Variants in GABRR1 observed in about 807,000 individuals in gnomAD.
The protein encoded by GABRR1 is gamma-aminobutyric acid receptor subunit rho-1.
Under a neutral mutation model 55.5 loss-of-function variants are expected in GABRR1, and 59 were observed. The ratio of observed to expected loss-of-function variants is 1.06; its 90% CI spans 0.86 to 1.32. GABRR1 has a LOEUF of 1.32. GABRR1 is among the 40% of genes most tolerant of loss of function. The pLI, the probability that GABRR1 is intolerant of heterozygous loss-of-function variation, is 0.00. For synonymous variants in GABRR1, 213 were observed against 226.0 expected, an observed-to-expected ratio of 0.94 and a Z score of 0.51; for missense variants, 602 against 619.1, an observed-to-expected ratio of 0.97 and a Z score of 0.29.
At chr6:89,202,630 G>C (rs905045914) in intron 2 of GABRR1, among the ~76,000 whole-genome samples, 4 of 151,906 alleles carry the variant, frequency 2.6e-5, no homozygotes, top group Non-Finnish European at 4.4e-5. Flanking sequence ...TATCTGACCA[G>C]AGTTTCTTGT....
chr6:89,217,771 A>G (rs1022470042), upstream of GABRR1: 2 of 154,600 alleles, frequency 1.3e-5, no homozygotes, highest in African/African-American at 4.8e-5. Context: ...GCTTACGGCC[A>G]TTATTATTTG....
At chr6:89,202,064 C>A (rs1582395301) in intron 2 of GABRR1, among the ~76,000 whole-genome samples, 1 of 152,194 alleles carries the variant, frequency 6.6e-6, no homozygotes, top group African/African-American at 2.4e-5. Context: ...ACCTTGCCCT[C>A]AAGGGAAATG....
intron 8 of GABRR1, among the ~76,000 whole-genome samples, chr6:89,181,436 T>C (rs1416421015): frequency 6.6e-6 from 1 of 152,158 alleles, no homozygotes; most frequent in Non-Finnish European, 1.5e-5. Context: ...ACAGAATAAT[T>C]ACTGGGAGAA....
chr6:89,199,258 C>T, intron 4 of GABRR1, 104 bp downstream of exon 4: 1 of 1,008,736 alleles, frequency 9.9e-7, no homozygotes, highest in East Asian at 2.6e-5. Context: ...TTCCCACCGC[C>T]CAGGGCAGTT....
At chr6:89,204,451 GCA>G (rs1249001173) in intron 1 of GABRR1, 2 of 267,112 alleles carry the variant, frequency 7.5e-6, no homozygotes, top group South Asian at 4.1e-5. Context: ...TCAGTCCCTT[GCA>G]CAGTGTTGGA....
chr6:89,194,307 C>A (rs999212163), intron 5 of GABRR1, among the ~76,000 whole-genome samples: 3 of 152,136 alleles, frequency 2.0e-5, no homozygotes, highest in Admixed American at 6.5e-5. Context: ...TCGGGACTGG[C>A]GGTGCAGAGA....
chr6:89,191,508 A>G (rs1442390467), intron 5 of GABRR1, among the ~76,000 whole-genome samples: 1 of 152,230 alleles, frequency 6.6e-6, no homozygotes, highest in Non-Finnish European at 1.5e-5. Context: ...ACTCCTCCTC[A>G]TTCTGTTAGT....
At chr6:89,229,425 G>A (rs1273206534) in intron 1 of GABRR1, among the ~76,000 whole-genome samples, 13 of 148,930 alleles carry the variant, frequency 8.7e-5, no homozygotes, top group East Asian at 5.9e-4. Flanking sequence ...CATGTTTAGC[G>A]CTTCCTTCAG....
chr6:89,212,731 T>C (rs1273200110), intron 1 of GABRR1, among the ~76,000 whole-genome samples: 1 of 152,110 alleles, frequency 6.6e-6, no homozygotes, highest in African/African-American at 2.4e-5. Context: ...TGCAGTGGCA[T>C]GATCACGGCT....
At chr6:89,197,874 A>G (rs1772349828) in intron 5 of GABRR1, 146 bp downstream of exon 5, 8 of 644,628 alleles carry the variant, frequency 1.2e-5, no homozygotes, top group Non-Finnish European at 2.2e-5. Context: ...ATTTCTACTC[A>G]TGTATAAAGT....
chr6:89,183,138 G>A (rs1349782046), intron 7 of GABRR1, among the ~76,000 whole-genome samples: 2 of 127,702 alleles, frequency 1.6e-5, no homozygotes, highest in African/African-American at 6.0e-5. Flanking sequence ...GAGAAAGGGA[G>A]GATGATGGAA....
intron 1 of GABRR1, among the ~76,000 whole-genome samples, chr6:89,208,072 G>A (rs1772707108): frequency 1.3e-5 from 2 of 152,326 alleles, no homozygotes; most frequent in South Asian, 4.1e-4. Flanking sequence ...GAGGCGCTTC[G>A]CTGCTCTAGT....
intron 8 of GABRR1, 33 bp from the exon 9 acceptor site, chr6:89,180,521 C>T (rs1367573311): frequency 6.2e-7 from 1 of 1,605,934 alleles, no homozygotes; most frequent in East Asian, 2.2e-5. Flanking sequence ...CAAGTGTTTG[C>T]TTGTCTTTCA....
rs149539482 is a variant in GABRR1 at position 89,192,422 on chromosome 6, G to GCACA, written c.573-2179_573-2176dup. On this transcript the variant is annotated intron_variant, in intron 5 of 9. Coordinates refer to ENST00000454853, the MANE Select transcript of GABRR1 (RefSeq NM_002042.5). ...AACTGCACAGTGTCCCAAACTGCAGGCACACACACACCAAGCTTTTTGAGA... is the reference window on the plus strand; with the variant it reads ...AACTGCACAGTGTCCCAAACTGCAGGCACACACACACACACCAAGCTTTTTGAGA... Among the ~76,000 whole-genome samples the GCACA allele has an allele frequency of 1.1e-4, 17 of 152,128 alleles. No individual in the cohort carries two copies. The East Asian group carries it at 3.1e-3, about 28-fold the overall frequency.
At chr6:89,213,431 A>C (rs1357699854) in intron 1 of GABRR1, among the ~76,000 whole-genome samples, 1 of 152,196 alleles carries the variant, frequency 6.6e-6, no homozygotes, top group East Asian at 1.9e-4. Flanking sequence ...TCTGGAAAGA[A>C]ATTTGCCCGC....
At chr6:89,202,279 G>GT (rs1338178307) in intron 2 of GABRR1, among the ~76,000 whole-genome samples, 1 of 151,098 alleles carries the variant, frequency 6.6e-6, no homozygotes, top group Non-Finnish European at 1.5e-5. Context: ...CAGGTGTTTC[G>GT]TTTTTTTGTT....
intron 1 of GABRR1, among the ~76,000 whole-genome samples, chr6:89,225,295 G>A (rs905651371): frequency 2.0e-5 from 3 of 146,854 alleles, no homozygotes; most frequent in African/African-American, 7.6e-5. Flanking sequence ...TTAAGTTTTG[G>A]GGTACATGTG....
chr6:89,229,261 C>T (rs1202317000), intron 1 of GABRR1, among the ~76,000 whole-genome samples: 1 of 151,912 alleles, frequency 6.6e-6, no homozygotes, highest in African/African-American at 2.4e-5. Flanking sequence ...AGGCCATTTA[C>T]ATTTAAAGTT....
At position 89,217,355 on chromosome 6, in the gene GABRR1, AC is replaced by A. The variant is rs539479671; in HGVS notation, c.-34del. ...CAAATTCAAACAGCTCTCTCCAGAA[AC>A]AGCAAAAAGGAAAAGATTGTTCTTT... On this transcript the variant is annotated 5_prime_UTR_variant, in exon 1 of 10. Transcript: ENST00000454853. 3,372 of 1,611,038 alleles carry A rather than the reference AC, an allele frequency of 2.1e-3. 4 individuals carry two copies. The highest frequency in any genetic ancestry group is 2.5e-3 in the Non-Finnish European group (2,993 of 1,178,388).
Sources: allele counts gnomAD v4.1 joint callset (sites outside exome capture counted in the v4.1 genomes callset), GRCh38; gene constraint gnomAD v4.1.1; transcripts MANE v1.5; gene names NCBI Gene and HGNC (gene_info 2026-07-23, HGNC 2026-07-21).